INSR: variants seen among roughly 807,000 people sequenced by gnomAD.
INSR encodes insulin receptor.
INSR carries 67 observed loss-of-function variants against 142.6 expected under a neutral mutation model. The observed-to-expected ratio is 0.47, with a 90% confidence interval of 0.39 to 0.58. The LOEUF (loss-of-function observed/expected upper bound fraction) is 0.58. Among genes scored for constraint, INSR ranks in the 20% least tolerant of loss-of-function variants. INSR has a pLI of 0.00. For synonymous variants in INSR, 756 were observed against 743.1 expected (o/e 1.02, Z -0.28); for missense variants, 1,248 against 1,833.2 (o/e 0.68, Z 5.83).
At position 7,166,262 on chromosome 19, in the gene INSR, G is replaced by A. The variant is rs1431054271; in HGVS notation, c.1753C>T (p.Pro585Ser). 1 of 1,614,034 alleles carries A rather than the reference G, an allele frequency of 6.2e-7. No individual in the cohort carries two copies. Among genetic ancestry groups the A allele is most frequent in the African/African-American group, 1.3e-5 (1 of 74,918 alleles). ...ACAAAGATGGCATACTGGGTCCAGG[G>A]CTTGAGACCCCGCATCAGCCACCCT... Reference protein sequence around the residue: ...HPGWLMRGLKPWTQYAIFVKT... With the variant: ...HPGWLMRGLKSWTQYAIFVKT... The change falls in exon 8 of 22, where the codon CCC becomes TCC. Residue 585 changes from proline (P) to serine (S), a missense_variant. Pro to Ser is a moderately conservative substitution (Grantham distance 74). This residue lies in a region of INSR where 1,069 missense variants were observed against 1,654.0 expected (regional missense o/e 0.65). Coordinates refer to ENST00000302850, the MANE Select transcript of INSR (RefSeq NM_000208.4). This position sits in a 1 kb window ranked among gnomAD's most constrained non-coding sequence, Gnocchi z 4.1.
intron 15 of INSR, 24 bp from the exon 16 acceptor site, chr19:7,126,675 T>C: frequency 7.1e-6 from 11 of 1,555,898 alleles, no homozygotes; most frequent in Non-Finnish European, 9.6e-6. Context: ...ACGAGGCACG[T>C]TAGCTTGAGA....
chr19:7,228,154 C>T (rs890860), intron 2 of INSR, among the ~76,000 whole-genome samples: 37,862 of 152,002 alleles, frequency 0.25, 4,944 homozygotes, highest in East Asian at 0.39. Flanking sequence ...ACACAGGGTC[C>T]GGCAAGTATC....
At chr19:7,258,172 C>T (rs1051706305) in intron 2 of INSR, among the ~76,000 whole-genome samples, 19 of 152,240 alleles carry the variant, frequency 1.2e-4, no homozygotes, top group Middle Eastern at 6.8e-3. Flanking sequence ...CAGTGGCTCA[C>T]GCCTATAGTC....
intron 11 of INSR, among the ~76,000 whole-genome samples, chr19:7,147,300 GAGT>G (rs750503692): frequency 5.3e-5 from 8 of 151,744 alleles, no homozygotes; most frequent in Non-Finnish European, 8.8e-5. Flanking sequence ...TCAGTCTCCT[GAGT>G]AGCTGGGACT....
At chr19:7,214,859 C>A (rs1372459043) in intron 2 of INSR, among the ~76,000 whole-genome samples, 1 of 139,726 alleles carries the variant, frequency 7.2e-6, no homozygotes, top group Non-Finnish European at 1.5e-5. Context: ...CTTCTTCCCT[C>A]CGTCCCCACC....
intron 11 of INSR, among the ~76,000 whole-genome samples, chr19:7,143,442 C>A (rs1973121548): frequency 6.6e-6 from 1 of 152,134 alleles, no homozygotes; most frequent in African/African-American, 2.4e-5. Context: ...AATAAGACAC[C>A]AAAAGCACGT....
At chr19:7,202,497 G>T (rs779876627) in intron 2 of INSR, among the ~76,000 whole-genome samples, 1 of 151,868 alleles carries the variant, frequency 6.6e-6, no homozygotes, top group Non-Finnish European at 1.5e-5. Context: ...GTTTTGTTTT[G>T]TGTTTTTTGT....
intron 7 of INSR, among the ~76,000 whole-genome samples, chr19:7,167,219 G>A (rs1973908375): frequency 6.6e-6 from 1 of 152,134 alleles, no homozygotes; most frequent in Non-Finnish European, 1.5e-5. Flanking sequence ...TTACTGATAA[G>A]ATTAGACTGT....
chr19:7,202,249 T>A (rs1482024590), intron 2 of INSR, among the ~76,000 whole-genome samples: 1 of 152,200 alleles, frequency 6.6e-6, no homozygotes, highest in Non-Finnish European at 1.5e-5. Context: ...GCTTTTTGAT[T>A]TTGTCAGTTC....
chr19:7,154,526 T>A (rs113300038), intron 9 of INSR, among the ~76,000 whole-genome samples: 4,046 of 150,516 alleles, frequency 0.027, 64 homozygotes, highest in Non-Finnish European at 0.037. Context: ...ATGGTCTCGA[T>A]CTCCTGACCT....
rs184753210 is a variant in INSR, at chr19:7,116,179, A to G, written c.*877T>C. 1 of 137,972 alleles carries G rather than the reference A, an allele frequency of 7.2e-6. No homozygotes were observed. Among genetic ancestry groups the G allele is most frequent in the African/African-American group, 2.7e-5 (1 of 36,388 alleles). 8.5% of individuals were successfully genotyped at this position (137,972 alleles called of 1,614,324 possible). A position where few individuals can be genotyped will look rare whatever the true frequency, so the allele number is the denominator to read the frequency against. On this transcript the variant is annotated 3_prime_UTR_variant, in exon 22 of 22. Transcript: ENST00000302850. Reference sequence around the variant, plus strand: ...TTTGGTCTTGAAAAGATTCATAATCACTCCAAATGAAATGCTCCTCCCTTG... The same window carrying G: ...TTTGGTCTTGAAAAGATTCATAATCGCTCCAAATGAAATGCTCCTCCCTTG...
intron 2 of INSR, among the ~76,000 whole-genome samples, chr19:7,248,566 C>T (rs1402444243): frequency 7.5e-6 from 1 of 133,748 alleles, no homozygotes; most frequent in Non-Finnish European, 1.6e-5. Flanking sequence ...TGAAAGATTT[C>T]AGAAAGACTT....
chr19:7,248,901 A>T (rs1976619981), intron 2 of INSR, among the ~76,000 whole-genome samples: 1 of 151,854 alleles, frequency 6.6e-6, no homozygotes. Context: ...CTGGGACTAC[A>T]GGCATGCGCC....
At position 7,131,019 on chromosome 19, in the gene INSR, C is replaced by A. The variant is rs530265003; in HGVS notation, c.2842+1139G>T. ...TCAGCCTCCTGAGTAGCTGGGACTG[C>A]GGGTGCACACCACTATGCCCAGCTA... On this transcript the variant is annotated intron_variant, in intron 14 of 21. Coordinates refer to ENST00000302850, the MANE Select transcript of INSR (RefSeq NM_000208.4). 2.0e-5 allele frequency among the ~76,000 whole-genome samples: 3 copies of A among 150,094 alleles called. 1 individual carries two copies. The highest frequency in any genetic ancestry group is 5.0e-5 in the African/African-American group (2 of 40,070).
rs1967791385 is a variant in INSR at position 7,267,958 on chromosome 19, AG to A, written c.101-63del. 2 of 1,405,948 alleles carry A rather than the reference AG, an allele frequency of 1.4e-6. No homozygotes were observed. Among genetic ancestry groups the A allele is most frequent in the Admixed American group, 3.8e-5 (2 of 53,146 alleles). The allele number at this position is 1,405,948 out of a possible 1,614,324, so 87.1% of individuals were successfully genotyped here. A position where few individuals can be genotyped will look rare whatever the true frequency, so the allele number is the denominator to read the frequency against. ...GCAGACGCACGGTGGATGCATCAGA[AG>A]GATCAGGGGCAGAGCCGGCTTCATG... On this transcript the variant is annotated intron_variant, in intron 1 of 21. Coordinates refer to ENST00000302850, the MANE Select transcript of INSR (RefSeq NM_000208.4). The surrounding 1 kb of genome is among the most constrained non-coding windows in gnomAD (Gnocchi z 6.3).
chr19:7,275,304 TG>T (rs1421193105), intron 1 of INSR, among the ~76,000 whole-genome samples: 1 of 151,974 alleles, frequency 6.6e-6, no homozygotes, highest in Non-Finnish European at 1.5e-5. Flanking sequence ...GTCCTCCATT[TG>T]GTCCAGGGCT....
intron 2 of INSR, among the ~76,000 whole-genome samples, chr19:7,255,563 C>T (rs1236863761): frequency 7.5e-6 from 1 of 133,018 alleles, no homozygotes; most frequent in Non-Finnish European, 1.6e-5. Context: ...TCTTTCCTTC[C>T]TTCCTTCCTT....
At chr19:7,258,012 G>T (rs1433694628) in intron 2 of INSR, among the ~76,000 whole-genome samples, 1 of 152,208 alleles carries the variant, frequency 6.6e-6, no homozygotes, top group Non-Finnish European at 1.5e-5. Context: ...TTTTAGTAGA[G>T]ATGGGGTTTC....
intron 2 of INSR, among the ~76,000 whole-genome samples, chr19:7,264,156 C>T (rs192059216): frequency 3.4e-4 from 46 of 133,534 alleles, no homozygotes; most frequent in Admixed American, 1.6e-3. Context: ...GCAACAAAAG[C>T]GAAACTCCAT....
Sources: allele counts gnomAD v4.1 joint callset (sites outside exome capture counted in the v4.1 genomes callset), GRCh38; gene constraint gnomAD v4.1.1; regional missense constraint gnomAD v4.1.1; non-coding constraint Gnocchi (gnomAD v3.1); transcripts MANE v1.5; gene names NCBI Gene and HGNC (gene_info 2026-07-23, HGNC 2026-07-21).